SYCP2L: variants seen among roughly 807,000 people sequenced by gnomAD.
SYCP2L encodes the protein synaptonemal complex protein 2-like.
Under a neutral mutation model 125.8 loss-of-function variants are expected in SYCP2L, and 98 were observed. That is an observed-to-expected ratio of 0.78 (90% CI 0.66 to 0.92). The LOEUF is 0.92. Ranked by LOEUF, SYCP2L falls within the 40% of genes least tolerant of loss-of-function variation. SYCP2L has a pLI of 0.00. For missense variants in SYCP2L, 842 were observed against 936.4 expected (o/e 0.90, Z 1.32); for synonymous variants, 317 against 325.4 (o/e 0.97, Z 0.28).
intron 20 of SYCP2L, among the ~76,000 whole-genome samples, chr6:10,934,729 A>G (rs1178761334): frequency 6.6e-6 from 1 of 152,166 alleles, no homozygotes; most frequent in African/African-American, 2.4e-5. Flanking sequence ...ATTCTTTCCA[A>G]CTGTGAAAAC....
At chr6:10,905,142 C>CAAA (rs34659978) in intron 8 of SYCP2L, among the ~76,000 whole-genome samples, 189 of 54,400 alleles carry the variant, frequency 3.5e-3, no homozygotes, top group South Asian at 6.0e-3. Flanking sequence ...GACTTGGTCT[C>CAAA]AAAAAAAAAA....
At chr6:10,914,101 G>A (rs1780650188) in intron 14 of SYCP2L, among the ~76,000 whole-genome samples, 1 of 152,084 alleles carries the variant, frequency 6.6e-6, no homozygotes, top group Non-Finnish European at 1.5e-5. Flanking sequence ...CCAAAGTGCT[G>A]GGATTACATG....
intron 25 of SYCP2L, among the ~76,000 whole-genome samples, chr6:10,956,455 A>G (rs1346211136): frequency 2.0e-5 from 3 of 152,164 alleles, no homozygotes; most frequent in Non-Finnish European, 4.4e-5. Context: ...TTCAGTTACA[A>G]GTTAATAAGT....
chr6:10,916,722 G>T (rs1231614551), intron 14 of SYCP2L, among the ~76,000 whole-genome samples: 1 of 152,204 alleles, frequency 6.6e-6, no homozygotes, highest in Non-Finnish European at 1.5e-5. Flanking sequence ...AGGCGTGGTG[G>T]CTCACGCCTG....
At position 10,935,191 on chromosome 6, in the gene SYCP2L, C is replaced by T. The variant is rs181416897; in HGVS notation, c.1813+4C>T. The T allele has an allele frequency of 3.1e-4, 506 of 1,609,932 alleles. 1 individual carries two copies. The East Asian group carries it at 8.6e-3, about 27-fold the overall frequency. Reference sequence around the variant, plus strand: ...GAAGATTCTGCCCAGAAAACAGGTACATGATTTTCTGTTGACTTACATAGG... The same window carrying T: ...GAAGATTCTGCCCAGAAAACAGGTATATGATTTTCTGTTGACTTACATAGG... On this transcript the variant is annotated splice_donor_region_variant and intron_variant, in intron 21 of 29. Transcript: ENST00000283141.
intron 5 of SYCP2L, 133 bp downstream of exon 5, chr6:10,898,248 T>G: frequency 1.5e-6 from 1 of 662,824 alleles, no homozygotes; most frequent in South Asian, 1.8e-5. Context: ...GGCGTGATGG[T>G]TCACACCTGT....
At chr6:10,940,327 G>T (rs897113124) in intron 21 of SYCP2L, among the ~76,000 whole-genome samples, 6 of 152,146 alleles carry the variant, frequency 3.9e-5, no homozygotes, top group African/African-American at 1.4e-4. Context: ...CCACTTCCAT[G>T]TATATATCCA....
chr6:10,902,778 C>G lies in SYCP2L; in HGVS notation c.552+16C>G, dbSNP rs778581066. ...TCAACAGGAGGTGAGTTGCAAGTAA[C>G]AAAACAGGTAATAGTGGTTCCAGAA... On this transcript the variant is annotated intron_variant, in intron 7 of 29. Coordinates refer to ENST00000283141, the MANE Select transcript of SYCP2L (RefSeq NM_001040274.3). 1 of 1,613,304 alleles carries G rather than the reference C, an allele frequency of 6.2e-7. No individual in the cohort carries two copies. Among genetic ancestry groups the G allele is most frequent in the South Asian group, 1.1e-5 (1 of 91,034 alleles).
intron 14 of SYCP2L, among the ~76,000 whole-genome samples, chr6:10,913,469 G>A (rs1313629961): frequency 6.6e-6 from 1 of 151,958 alleles, no homozygotes; most frequent in African/African-American, 2.4e-5. Flanking sequence ...GCATTCCCCT[G>A]ATCATTAGTG....
intron 1 of SYCP2L, among the ~76,000 whole-genome samples, chr6:10,891,059 G>A (rs1780163718): frequency 6.6e-6 from 1 of 152,208 alleles, no homozygotes; most frequent in South Asian, 2.1e-4. Context: ...TTTTATGCCA[G>A]TACCATGCTG....
In SYCP2L at chr6:10,958,745, A is replaced by G. The variant is rs758454072; in HGVS notation, c.2164-39A>G. On this transcript the variant is annotated intron_variant, in intron 25 of 29. Transcript: ENST00000283141. ...GCATGCACTCAACTTATGTAATTAT[A>G]TTAAATGTGATCATCTTGTTATTGT... 3 of 1,558,892 alleles carry G rather than the reference A, an allele frequency of 1.9e-6. No individual in the cohort carries two copies. In the South Asian group the frequency reaches 3.4e-5, roughly 18 times the overall value.
intron 4 of SYCP2L, among the ~76,000 whole-genome samples, chr6:10,894,772 C>T (rs1780229327): frequency 1.3e-5 from 2 of 152,184 alleles, no homozygotes; most frequent in African/African-American, 4.8e-5. Flanking sequence ...AAAGCAGAAT[C>T]TGCAACATCT....
chr6:10,900,083 C>T (rs1780352464), intron 6 of SYCP2L, among the ~76,000 whole-genome samples: 1 of 152,200 alleles, frequency 6.6e-6, no homozygotes, highest in African/African-American at 2.4e-5. Flanking sequence ...ACTTTCATTG[C>T]CCCTGGTAGA....
chr6:10,906,193 A>C (rs1162379201), intron 9 of SYCP2L, 139 bp downstream of exon 9: 2 of 525,598 alleles, frequency 3.8e-6, no homozygotes, highest in East Asian at 6.0e-5. Flanking sequence ...ATTTATTTTG[A>C]GAGATTTTAG....
intron 8 of SYCP2L, among the ~76,000 whole-genome samples, 156 bp downstream of exon 8, chr6:10,903,119 A>G (rs916409873): frequency 1.3e-5 from 2 of 152,228 alleles, no homozygotes; most frequent in African/African-American, 2.4e-5. Context: ...ATGCTAGGTG[A>G]TAAAGACGGG....
chr6:10,935,273 T>C, intron 21 of SYCP2L, 86 bp downstream of exon 21: 4 of 1,341,738 alleles, frequency 3.0e-6, no homozygotes, highest in Non-Finnish European at 4.1e-6. Flanking sequence ...TTTATTTTAA[T>C]ATCTATTAAA....
chr6:10,925,337 C>T (rs1299427146), intron 15 of SYCP2L, among the ~76,000 whole-genome samples: 1 of 152,188 alleles, frequency 6.6e-6, no homozygotes, highest in Non-Finnish European at 1.5e-5. Context: ...GGGACACAGC[C>T]AGACTGTATC....
At chr6:10,948,736 G>T (rs1159981327) in intron 23 of SYCP2L, among the ~76,000 whole-genome samples, 2 of 152,092 alleles carry the variant, frequency 1.3e-5, no homozygotes, top group Non-Finnish European at 2.9e-5. Context: ...GATGGAAGCT[G>T]GGCAGCTCTC....
intron 29 of SYCP2L, among the ~76,000 whole-genome samples, chr6:10,964,080 C>T (rs993796509): frequency 1.3e-5 from 2 of 151,844 alleles, no homozygotes; most frequent in Non-Finnish European, 2.9e-5. Flanking sequence ...GCCTCAGCCT[C>T]CTGAGTAGCT....
Sources: gnomAD v4.1 joint callset for allele counts (sites outside exome capture counted in the v4.1 genomes callset) on GRCh38, gnomAD v4.1.1 for gene constraint, MANE v1.5 for transcripts, NCBI Gene and HGNC (gene_info 2026-07-23, HGNC 2026-07-21) for gene names.